BOLA1: variants seen among roughly 807,000 people sequenced by gnomAD.
BOLA1 encodes the protein bolA family member 1.
A neutral mutation model predicts 6.6 loss-of-function variants in BOLA1; 6 were observed. The ratio of observed to expected loss-of-function variants is 0.92; its 90% CI spans 0.50 to 1.81. The LOEUF (loss-of-function observed/expected upper bound fraction) is 1.81. Among genes scored for constraint, BOLA1 ranks in the 40% most tolerant of loss-of-function variants. BOLA1 has a pLI of 0.01. For synonymous variants in BOLA1, 87 were observed against 85.6 expected, an observed-to-expected ratio of 1.02 and a Z score of -0.09; for missense variants, 183 against 186.8, an observed-to-expected ratio of 0.98 and a Z score of 0.12.
chr1:149,900,053 G>C lies in BOLA1; in HGVS notation c.-7G>C. 6.3e-7 allele frequency: 1 copy of C among 1,580,412 alleles called. No individual in the cohort carries two copies. ...CACTCCTGGCGTCTGAGTCTCTGGC[G>C]TAGCCCATGCTGAGTGGGCGGCTGG... is the stretch of plus-strand genomic sequence containing the variant. On this transcript the variant is annotated 5_prime_UTR_variant, in exon 2 of 2. Transcript: ENST00000369152.
rs782099348 is a variant in BOLA1 at position 149,900,496 on chromosome 1, G to T, written c.*23G>T. 6.5e-7 allele frequency: 1 copy of T among 1,541,308 alleles called. No individual in the cohort carries two copies. The highest frequency in any genetic ancestry group is 8.8e-7 in the Non-Finnish European group (1 of 1,140,950). ...TGAACCCCAAGAGAGGGAGGACCAG[G>T]ATCCGAATGGGCTGGGTGAGCACGA... On this transcript the variant is annotated 3_prime_UTR_variant, in exon 2 of 2. Transcript: ENST00000369152.
Position 149,900,696 on chromosome 1 carries a change from G to T in BOLA1, c.*223G>T. On this transcript the variant is annotated 3_prime_UTR_variant, in exon 2 of 2. Transcript: ENST00000369152. ...TACTGCTCTTGCCCTGGACTATTCAGGAAGGGCAGCCCGGATGTTCCATGT... is the reference window on the plus strand; with the variant it reads ...TACTGCTCTTGCCCTGGACTATTCATGAAGGGCAGCCCGGATGTTCCATGT... The T allele has an allele frequency of 2.0e-6, 1 of 489,494 alleles. No homozygotes were observed. Among genetic ancestry groups the T allele is most frequent in the Non-Finnish European group, 3.7e-6 (1 of 273,842 alleles). The allele number at this position is 489,494 out of a possible 1,614,324, so 30.3% of individuals were successfully genotyped here.
Position 149,900,640 on chromosome 1 carries a change from GT to G in BOLA1, c.*168del, listed in dbSNP as rs1242817395. 1 of 695,426 alleles carries G rather than the reference GT, an allele frequency of 1.4e-6. No individual in the cohort carries two copies. Among genetic ancestry groups the G allele is most frequent in the African/African-American group, 1.8e-5 (1 of 55,160 alleles). The allele number at this position is 695,426 out of a possible 1,614,324, so 43.1% of individuals were successfully genotyped here. A position where few individuals can be genotyped will look rare whatever the true frequency, so the allele number is the denominator to read the frequency against. On this transcript the variant is annotated 3_prime_UTR_variant, in exon 2 of 2. Coordinates refer to ENST00000369152, the MANE Select transcript of BOLA1 (RefSeq NM_016074.5). ...AGATAGCAACTTGCTTCAGGTCAAA[GT>G]GAACCCGAGAAAAGAGAAGAATCAC...
Position 149,900,534 on chromosome 1 carries a change from T to C in BOLA1, c.*61T>C. The C allele has an allele frequency of 6.7e-7, 1 of 1,496,710 alleles. No individual in the cohort carries two copies. The allele number at this position is 1,496,710 out of a possible 1,614,324, so 92.7% of individuals were successfully genotyped here. On this transcript the variant is annotated 3_prime_UTR_variant, in exon 2 of 2. Coordinates refer to ENST00000369152, the MANE Select transcript of BOLA1 (RefSeq NM_016074.5). ...TGGGTGAGCACGAATTACCGAGGCC[T>C]TCCCTTTGATACAGTCCAGGATTTG...
chr1:149,900,664 C>G lies in BOLA1; in HGVS notation c.*191C>G, dbSNP rs1548169. 5.0e-6 allele frequency: 3 copies of G among 601,282 alleles called. No individual in the cohort carries two copies. In the African/African-American group the frequency reaches 5.6e-5, roughly 11 times the overall value. 37.2% of individuals were successfully genotyped at this position (601,282 alleles called of 1,614,324 possible). ...AGTGAACCCGAGAAAAGAGAAGAAT[C>G]ACTCACTACTGCTCTTGCCCTGGAC... is the stretch of plus-strand genomic sequence containing the variant. On this transcript the variant is annotated 3_prime_UTR_variant, in exon 2 of 2. Transcript: ENST00000369152.
intron 1 of BOLA1, 95 bp from the exon 2 acceptor site, chr1:149,899,915 C>T (rs1400122853): frequency 7.1e-6 from 7 of 989,638 alleles, no homozygotes; most frequent in African/African-American, 4.9e-5. Flanking sequence ...GGCATCAAGG[C>T]GGGCTCCCTA....
Position 149,900,690 on chromosome 1 carries a change from T to C in BOLA1, c.*217T>C. On this transcript the variant is annotated 3_prime_UTR_variant, in exon 2 of 2. Coordinates refer to ENST00000369152, the MANE Select transcript of BOLA1 (RefSeq NM_016074.5). ...ACTCACTACTGCTCTTGCCCTGGACTATTCAGGAAGGGCAGCCCGGATGTT... is the reference window on the plus strand; with the variant it reads ...ACTCACTACTGCTCTTGCCCTGGACCATTCAGGAAGGGCAGCCCGGATGTT... 1 of 507,346 alleles carries C rather than the reference T, an allele frequency of 2.0e-6. No homozygotes were observed. Among genetic ancestry groups the C allele is most frequent in the Non-Finnish European group, 3.5e-6 (1 of 287,030 alleles). The allele number at this position is 507,346 out of a possible 1,614,324, so 31.4% of individuals were successfully genotyped here.
chr1:149,899,951 G>A (rs150885444), intron 1 of BOLA1, 59 bp from the exon 2 acceptor site: 6 of 1,406,600 alleles, frequency 4.3e-6, no homozygotes, highest in South Asian at 4.2e-5. Context: ...ACGTCCGGGC[G>A]TGGGGTTAGG....
In BOLA1 at chr1:149,900,712, T is replaced by C; in HGVS notation, c.*239T>C. On this transcript the variant is annotated 3_prime_UTR_variant, in exon 2 of 2. Transcript: ENST00000369152. ...GACTATTCAGGAAGGGCAGCCCGGATGTTCCATGTTAAATCGTGACAGAAT... is the reference window on the plus strand; with the variant it reads ...GACTATTCAGGAAGGGCAGCCCGGACGTTCCATGTTAAATCGTGACAGAAT... The C allele has an allele frequency of 2.2e-6, 1 of 457,758 alleles. No individual in the cohort carries two copies. Among genetic ancestry groups the C allele is most frequent in the Non-Finnish European group, 4.0e-6 (1 of 252,616 alleles). The allele number at this position is 457,758 out of a possible 1,614,324, so 28.4% of individuals were successfully genotyped here. A position where few individuals can be genotyped will look rare whatever the true frequency, so the allele number is the denominator to read the frequency against.
rs782796895 is a variant in BOLA1, at chr1:149,900,022, G to A, written c.-38G>A. 2.4e-5 allele frequency: 37 copies of A among 1,540,384 alleles called. No homozygotes were observed. Among genetic ancestry groups the A allele is most frequent in the Non-Finnish European group, 2.8e-5 (32 of 1,141,014 alleles). On this transcript the variant is annotated 5_prime_UTR_variant, in exon 2 of 2. Coordinates refer to ENST00000369152, the MANE Select transcript of BOLA1 (RefSeq NM_016074.5). ...GTGCTCTCACCAGGCGGATCGCCCC[G>A]ACCCTCACTCCTGGCGTCTGAGTCT...
At position 149,900,434 on chromosome 1, in the gene BOLA1, A is replaced by C. The variant is rs1329681512; in HGVS notation, c.375A>C (p.Pro125=). ...ACTCTCAGCTGGACACTAGCCCCCC[A>C]TGCCTGGGTGGGAACAAGAAAACTC... ...RENSQLDTSP[P]CLGGNKKTLG... is the part of the protein sequence containing the mutation. Residue 125 remains proline, a synonymous_variant, in exon 2 of 2, where the codon CCA becomes CCC. Transcript: ENST00000369152. The C allele has an allele frequency of 6.3e-7, 1 of 1,592,344 alleles. No homozygotes were observed. The highest frequency in any genetic ancestry group is 1.3e-5 in the African/African-American group (1 of 74,352).
intron 1 of BOLA1, 100 bp from the exon 2 acceptor site, chr1:149,899,910 C>A: frequency 1.1e-6 from 1 of 936,566 alleles, no homozygotes. Context: ...CGTGTGGCAT[C>A]AAGGCGGGCT....
chr1:149,900,350 G>T lies in BOLA1; in HGVS notation c.291G>T (p.Leu97=), dbSNP rs1263310196. ...RLVHAALAEE[L]GGPVHALAIQ... ...TCCACGCAGCGCTGGCCGAGGAGCTGGGAGGTCCGGTCCATGCGCTGGCCA... is the reference window on the plus strand; with the variant it reads ...TCCACGCAGCGCTGGCCGAGGAGCTTGGAGGTCCGGTCCATGCGCTGGCCA... Residue 97 remains leucine (L), a synonymous_variant, in exon 2 of 2, where the codon CTG becomes CTT. Coordinates refer to ENST00000369152, the MANE Select transcript of BOLA1 (RefSeq NM_016074.5). The T allele has an allele frequency of 6.2e-7, 1 of 1,613,250 alleles. No homozygotes were observed. The highest frequency in any genetic ancestry group is 8.5e-7 in the Non-Finnish European group (1 of 1,179,996).
chr1:149,899,606 T>G lies in BOLA1; in HGVS notation c.-117T>G. ...CCTCAGGAAGGGCGCCAGGACTGCATTTTGCTCCGGAGCGTCCAGAGTCCT... is the reference window on the plus strand; with the variant it reads ...CCTCAGGAAGGGCGCCAGGACTGCAGTTTGCTCCGGAGCGTCCAGAGTCCT... On this transcript the variant is annotated 5_prime_UTR_variant, in exon 1 of 2. Coordinates refer to ENST00000369152, the MANE Select transcript of BOLA1 (RefSeq NM_016074.5). 1.9e-5 allele frequency: 3 copies of G among 157,828 alleles called. No homozygotes were observed. The highest frequency in any genetic ancestry group is 2.8e-5 in the Non-Finnish European group (2 of 71,896). 9.8% of individuals were successfully genotyped at this position (157,828 alleles called of 1,614,324 possible). A position where few individuals can be genotyped will look rare whatever the true frequency, so the allele number is the denominator to read the frequency against.
At position 149,900,527 on chromosome 1, in the gene BOLA1, C is replaced by A; in HGVS notation, c.*54C>A. Reference sequence around the variant, plus strand: ...AATGGGCTGGGTGAGCACGAATTACCGAGGCCTTCCCTTTGATACAGTCCA... The same window carrying A: ...AATGGGCTGGGTGAGCACGAATTACAGAGGCCTTCCCTTTGATACAGTCCA... On this transcript the variant is annotated 3_prime_UTR_variant, in exon 2 of 2. Coordinates refer to ENST00000369152, the MANE Select transcript of BOLA1 (RefSeq NM_016074.5). 6.6e-7 allele frequency: 1 copy of A among 1,508,910 alleles called. No homozygotes were observed. 93.5% of individuals were successfully genotyped at this position (1,508,910 alleles called of 1,614,324 possible). A position where few individuals can be genotyped will look rare whatever the true frequency, so the allele number is the denominator to read the frequency against.
intron 1 of BOLA1, 48 bp from the exon 2 acceptor site, chr1:149,899,962 G>C: frequency 6.8e-7 from 1 of 1,461,626 alleles, no homozygotes. Flanking sequence ...TGGGGTTAGG[G>C]CGGATGCGGG....
rs782219946 is a variant in BOLA1 at position 149,900,329 on chromosome 1, C to T, written c.270C>T (p.His90=). 4.7e-5 allele frequency: 76 copies of T among 1,613,200 alleles called. No individual in the cohort carries two copies. Among genetic ancestry groups the T allele is most frequent in the Non-Finnish European group, 6.3e-5 (74 of 1,179,964 alleles). Residue 90 remains histidine (H), a synonymous_variant, in exon 2 of 2, where the codon CAC becomes CAT. Coordinates refer to ENST00000369152, the MANE Select transcript of BOLA1 (RefSeq NM_016074.5). ...LSPLQRHRLV[H]AALAEELGGP... ...CCCTACAACGACACCGGCTGGTCCACGCAGCGCTGGCCGAGGAGCTGGGAG... is the reference window on the plus strand; with the variant it reads ...CCCTACAACGACACCGGCTGGTCCATGCAGCGCTGGCCGAGGAGCTGGGAG...
rs1309735134 is a variant in BOLA1, at chr1:149,900,134, A to G, written c.75A>G (p.Gly25=). ...GRVCLCQGSA[G]SGAIGPVEAA... is the part of the protein sequence containing the mutation. ...TTTGTTTGTGCCAGGGCAGCGCGGGATCCGGGGCCATCGGTCCGGTGGAGG... is the reference window on the plus strand; with the variant it reads ...TTTGTTTGTGCCAGGGCAGCGCGGGGTCCGGGGCCATCGGTCCGGTGGAGG... Residue 25 remains glycine (G), a synonymous_variant, in exon 2 of 2, where the codon GGA becomes GGG. Coordinates refer to ENST00000369152, the MANE Select transcript of BOLA1 (RefSeq NM_016074.5). The G allele has an allele frequency of 6.2e-7, 1 of 1,613,086 alleles. No homozygotes were observed. Among genetic ancestry groups the G allele is most frequent in the Non-Finnish European group, 8.5e-7 (1 of 1,179,520 alleles).
At chr1:149,899,763 T>G in intron 1 of BOLA1, 91 bp downstream of exon 1, 1 of 408,232 alleles carries the variant, frequency 2.4e-6, no homozygotes, top group Non-Finnish European at 4.4e-6. Flanking sequence ...CTTTTGCCCA[T>G]TCTTTGCAAA....
Sources: gnomAD v4.1 joint callset for allele counts on GRCh38, gnomAD v4.1.1 for gene constraint, MANE v1.5 for transcripts, NCBI Gene and HGNC (gene_info 2026-07-23, HGNC 2026-07-21) for gene names.